Variants in B4GALT5 observed in about 807,000 individuals in gnomAD.
B4GALT5 encodes the protein beta-1,4-galactosyltransferase 5.
In B4GALT5, 11 loss-of-function variants were observed where a neutral mutation model predicts 45.0. The ratio of observed to expected loss-of-function variants is 0.24; its 90% CI spans 0.15 to 0.40. The LOEUF (loss-of-function observed/expected upper bound fraction) is 0.40, where lower values mean the gene tolerates loss of function less well. Ranked by LOEUF, B4GALT5 falls within the 10% of genes least tolerant of loss-of-function variation. The probability of loss-of-function intolerance (pLI) is 1.00; values close to 1 mark genes in which losing one functional copy is unlikely to be tolerated. For synonymous variants in B4GALT5, 185 were observed against 182.9 expected, an observed-to-expected ratio of 1.01 and a Z score of -0.09; for missense variants, 337 against 500.2, an observed-to-expected ratio of 0.67 and a Z score of 3.11.
chr20:49,711,848 G>A (rs2085913659), intron 1 of B4GALT5, among the ~76,000 whole-genome samples: 2 of 152,128 alleles, frequency 1.3e-5, no homozygotes, highest in Non-Finnish European at 2.9e-5. Context: ...AAATAATCAG[G>A]AGACGATCTC....
intron 2 of B4GALT5, 101 bp from the exon 3 acceptor site, chr20:49,647,179 T>C (rs888435089): frequency 1.4e-6 from 1 of 708,852 alleles, no homozygotes; most frequent in Non-Finnish European, 2.4e-6. Flanking sequence ...GCTATCATCT[T>C]GGTAGAAGGA....
chr20:49,688,963 T>TA lies in B4GALT5; in HGVS notation c.115+24612dup, dbSNP rs1320502411. 2.7e-5 allele frequency among the ~76,000 whole-genome samples: 4 copies of TA among 148,022 alleles called. No homozygotes were observed. In the East Asian group the frequency reaches 5.9e-4, roughly 22 times the overall value. On this transcript the variant is annotated intron_variant, in intron 1 of 8. Coordinates refer to ENST00000371711, the MANE Select transcript of B4GALT5 (RefSeq NM_004776.4). ...AAAAAAAAAAAAAAAAAACAGGGTG[T>TA]AATATTTTAATATTGGGTAAGACAG...
intron 1 of B4GALT5, among the ~76,000 whole-genome samples, chr20:49,679,809 A>G (rs2085756934): frequency 6.6e-6 from 1 of 152,248 alleles, no homozygotes; most frequent in Admixed American, 6.5e-5. Flanking sequence ...AACTGCTGTT[A>G]TCAGGCAAAG....
chr20:49,676,179 C>CAT (rs2085736354), intron 1 of B4GALT5, among the ~76,000 whole-genome samples: 1 of 151,772 alleles, frequency 6.6e-6, no homozygotes, highest in Non-Finnish European at 1.5e-5. Context: ...GTACATAATA[C>CAT]ATATATATGT....
At chr20:49,665,582 GACAT>G (rs1376590535) in intron 1 of B4GALT5, among the ~76,000 whole-genome samples, 1 of 150,974 alleles carries the variant, frequency 6.6e-6, no homozygotes, top group Non-Finnish European at 1.5e-5. Flanking sequence ...CTGTAATTCA[GACAT>G]ACATTCATTC....
At chr20:49,703,193 C>T (rs2085870121) in intron 1 of B4GALT5, among the ~76,000 whole-genome samples, 1 of 147,152 alleles carries the variant, frequency 6.8e-6, no homozygotes, top group Non-Finnish European at 1.5e-5. Context: ...AAAGTGATTA[C>T]TGCATAACAT....
chr20:49,638,581 T>C (rs1349931323), intron 7 of B4GALT5, among the ~76,000 whole-genome samples: 1 of 152,214 alleles, frequency 6.6e-6, no homozygotes, highest in Non-Finnish European at 1.5e-5. Flanking sequence ...ACCCTTCAGT[T>C]TGGAGTGGTT....
At chr20:49,671,264 A>G (rs1283652066) in intron 1 of B4GALT5, among the ~76,000 whole-genome samples, 1 of 152,196 alleles carries the variant, frequency 6.6e-6, no homozygotes, top group Non-Finnish European at 1.5e-5. Flanking sequence ...CTGTAACCCC[A>G]GCTACTCAGG....
rs540282890 is a variant in B4GALT5, at chr20:49,703,044, G to A, written c.115+10532C>T. Reference sequence around the variant, plus strand: ...AAAAAATTAGCCGGGCGTGGTGGTGGGTGCCTGTAGTCCCAGCTACTCGAC... The same window carrying A: ...AAAAAATTAGCCGGGCGTGGTGGTGAGTGCCTGTAGTCCCAGCTACTCGAC... On this transcript the variant is annotated intron_variant, in intron 1 of 8. Coordinates refer to ENST00000371711, the MANE Select transcript of B4GALT5 (RefSeq NM_004776.4). Among the ~76,000 whole-genome samples, 10 of 151,280 alleles carry A rather than the reference G, an allele frequency of 6.6e-5. No individual in the cohort carries two copies. In the East Asian group the frequency reaches 1.8e-3, roughly 27 times the overall value.
rs1056263257 is a variant in B4GALT5 at position 49,687,892 on chromosome 20, A to AT, written c.115+25683dup. The stretch of plus-strand genomic sequence containing the variant: ...GCCAGAGAAAATTAAAAAAAAAAAA[A>AT]TTTTTTTTTTCAAAGTCTGAAGACT... On this transcript the variant is annotated intron_variant, in intron 1 of 8. Transcript: ENST00000371711. Among the ~76,000 whole-genome samples, 764 of 150,092 alleles carry AT rather than the reference A, an allele frequency of 5.1e-3. 7 individuals are homozygous for AT. The highest frequency in any genetic ancestry group is 0.017 in the African/African-American group (703 of 40,866).
chr20:49,670,673 A>G (rs1423269994), intron 1 of B4GALT5, among the ~76,000 whole-genome samples: 1 of 152,174 alleles, frequency 6.6e-6, no homozygotes, highest in Non-Finnish European at 1.5e-5. Context: ...TGTAACGTAA[A>G]ATTTTAAGTT....
chr20:49,645,043 A>C (rs2085593413), intron 3 of B4GALT5, among the ~76,000 whole-genome samples: 2 of 152,228 alleles, frequency 1.3e-5, no homozygotes, highest in African/African-American at 4.8e-5. Flanking sequence ...AAAAAGAACA[A>C]AAAGATCTAA....
Position 49,642,517 on chromosome 20 carries a change from G to C in B4GALT5, c.557C>G (p.Pro186Arg). Reference sequence around the variant, plus strand: ...CTGCAAGCGCTGGCGCTGGAGCATGGGAAGCAGGTGTCTGAACAGGACTGG... The same window carrying C: ...CTGCAAGCGCTGGCGCTGGAGCATGCGAAGCAGGTGTCTGAACAGGACTGG... ...HLPVLFRHLL[P>R]MLQRQRLQFA... is the part of the protein sequence containing the mutation. The change falls in exon 5 of 9, where the codon CCC (proline) becomes CGC (arginine). Residue 186 changes from proline (P) to arginine (R), a missense_variant. By Grantham distance (103) the Pro-to-Arg change is moderately radical. Coordinates refer to ENST00000371711, the MANE Select transcript of B4GALT5 (RefSeq NM_004776.4). The C allele has an allele frequency of 6.2e-7, 1 of 1,614,196 alleles. No individual in the cohort carries two copies. Among genetic ancestry groups the C allele is most frequent in the Non-Finnish European group, 8.5e-7 (1 of 1,180,006 alleles).
chr20:49,636,218 C>A lies in B4GALT5; in HGVS notation c.*94G>T. The A allele has an allele frequency of 6.9e-7, 1 of 1,446,912 alleles. No individual in the cohort carries two copies. The highest frequency in any genetic ancestry group is 1.3e-5 in the South Asian group (1 of 79,902). The allele number at this position is 1,446,912 out of a possible 1,614,324, so 89.6% of individuals were successfully genotyped here. On this transcript the variant is annotated 3_prime_UTR_variant, in exon 9 of 9. Coordinates refer to ENST00000371711, the MANE Select transcript of B4GALT5 (RefSeq NM_004776.4). ...CTTCATGAGACACAGTATTTCTGTT[C>A]TCTTGCTGTGTAGACCCTCCCCCCT... is the stretch of plus-strand genomic sequence containing the variant.
At chr20:49,707,289 C>A (rs904499268) in intron 1 of B4GALT5, among the ~76,000 whole-genome samples, 3 of 152,078 alleles carry the variant, frequency 2.0e-5, no homozygotes. Context: ...TCAACCTGTT[C>A]TCCAAACACG....
rs540336177 is a variant in B4GALT5 at position 49,683,463 on chromosome 20, G to A, written c.116-26761C>T. Among the ~76,000 whole-genome samples, 6 of 143,334 alleles carry A rather than the reference G, an allele frequency of 4.2e-5. No homozygotes were observed. In the East Asian group the frequency reaches 8.2e-4, roughly 20 times the overall value. The allele number at this position is 143,334 out of a possible 152,430, so 94.0% of individuals were successfully genotyped here. On this transcript the variant is annotated intron_variant, in intron 1 of 8. Coordinates refer to ENST00000371711, the MANE Select transcript of B4GALT5 (RefSeq NM_004776.4). The stretch of plus-strand genomic sequence containing the variant: ...GGCTGGAGTGCAATGGTGCAATCTC[G>A]GCTCACTACAACCTCCGCCTCCTGG...
At chr20:49,674,081 C>CAAAATAAAAAAA (rs2085727250) in intron 1 of B4GALT5, among the ~76,000 whole-genome samples, 1 of 94,536 alleles carries the variant, frequency 1.1e-5, no homozygotes, top group Non-Finnish European at 2.2e-5. Context: ...ATTAAAAATA[C>CAAAATAAAAAAA]AAAAAAAAAA....
In B4GALT5 at chr20:49,637,012, G is replaced by A. The variant is rs559429385; in HGVS notation, c.1019+329C>T. Among the ~76,000 whole-genome samples the A allele has an allele frequency of 2.8e-4, 43 of 152,034 alleles. 1 individual carries two copies. In the South Asian group the frequency reaches 7.9e-3, roughly 28 times the overall value. On this transcript the variant is annotated intron_variant, in intron 8 of 8. Transcript: ENST00000371711. ...GACACCATTCGGAACGGGAGCCTGC[G>A]GAAAGGGCGCCACTGCTCTGTCACC...
At position 49,637,233 on chromosome 20, in the gene B4GALT5, C is replaced by G. The variant is rs1601243918; in HGVS notation, c.1019+108G>C. 1.4e-5 allele frequency: 13 copies of G among 943,206 alleles called. No individual in the cohort carries two copies. The East Asian group carries it at 2.9e-4, about 21-fold the overall frequency. The allele number at this position is 943,206 out of a possible 1,614,324, so 58.4% of individuals were successfully genotyped here. On this transcript the variant is annotated intron_variant, in intron 8 of 8. Transcript: ENST00000371711. The stretch of plus-strand genomic sequence containing the variant: ...AACAGCTGTCAAACAGCTGTCAGAA[C>G]AGGGCCTCGGGGTGGGGAGTAGGAG...
Sources: gnomAD v4.1 joint callset for allele counts (sites outside exome capture counted in the v4.1 genomes callset) on GRCh38, gnomAD v4.1.1 for gene constraint, MANE v1.5 for transcripts, NCBI Gene and HGNC (gene_info 2026-07-23, HGNC 2026-07-21) for gene names.